The following NDUFB6 variants were observed in gnomAD, a reference collection of about 807,000 sequenced individuals.
The protein encoded by NDUFB6 is NADH:ubiquinone oxidoreductase subunit B6, also known as NADH dehydrogenase [ubiquinone] 1 beta subcomplex subunit 6.
Under a neutral mutation model 17.5 loss-of-function variants are expected in NDUFB6, and 23 were observed. That is an observed-to-expected ratio of 1.31 (90% CI 0.94 to 1.86). The LOEUF is 1.86. Among genes scored for constraint, NDUFB6 ranks in the 40% most tolerant of loss-of-function variants. The pLI, the probability that NDUFB6 is intolerant of heterozygous loss-of-function variation, is 0.00. For synonymous variants in NDUFB6, 60 were observed against 53.5 expected (o/e 1.12, Z -0.53); for missense variants, 167 against 153.8 (o/e 1.09, Z -0.46).
chr9:32,572,369 C>G (rs1821956584), intron 1 of NDUFB6, among the ~76,000 whole-genome samples: 1 of 152,104 alleles, frequency 6.6e-6, no homozygotes, highest in African/African-American at 2.4e-5. Context: ...AGAAAGGTAG[C>G]TCTTGAATGT....
intron 3 of NDUFB6, among the ~76,000 whole-genome samples, chr9:32,558,366 C>T (rs961376710): frequency 6.6e-6 from 1 of 152,208 alleles, no homozygotes; most frequent in Non-Finnish European, 1.5e-5. Context: ...CCATCTTGGC[C>T]TCCCAAAGTG....
intron 2 of NDUFB6, among the ~76,000 whole-genome samples, 156 bp downstream of exon 2, chr9:32,570,804 A>T (rs1821919396): frequency 6.6e-6 from 1 of 152,220 alleles, no homozygotes; most frequent in African/African-American, 2.4e-5. Flanking sequence ...ATACCCAATT[A>T]TGTAACTTTC....
intron 2 of NDUFB6, chr9:32,567,038 A>G (rs750526238): frequency 1.0e-5 from 5 of 499,964 alleles, no homozygotes; most frequent in South Asian, 3.2e-5. Context: ...GCCCTTGCGC[A>G]GCATCTCCCG....
In NDUFB6 at chr9:32,563,504, T is replaced by TTTTTTTTTTTTTG. The variant is rs74178817; in HGVS notation, c.274-4551_274-4550insCAAAAAAAAAAAA. 5.4e-5 allele frequency among the ~76,000 whole-genome samples: 8 copies of TTTTTTTTTTTTTG among 148,870 alleles called. No homozygotes were observed. In the East Asian group the frequency reaches 1.4e-3, roughly 26 times the overall value. ...GGGACTATTGGGCTTTTTTTTTTTTTGGAGGGATGGGGTCTCATTATGTTG... is the reference window on the plus strand; with the variant it reads ...GGGACTATTGGGCTTTTTTTTTTTTTTTTTTTTTTTTTGGGAGGGATGGGGTCTCATTATGTTG... On this transcript the variant is annotated intron_variant, in intron 2 of 3. Coordinates refer to ENST00000379847, the MANE Select transcript of NDUFB6 (RefSeq NM_002493.5).
In NDUFB6 at chr9:32,573,069, T is replaced by A. The variant is rs1821981074; in HGVS notation, c.-9A>T. On this transcript the variant is annotated 5_prime_UTR_variant, in exon 1 of 4. Coordinates refer to ENST00000379847, the MANE Select transcript of NDUFB6 (RefSeq NM_002493.5). ...GGAGTGTACCCCGTCATGTCGCCGC[T>A]GGTACCAACGCAAAAGGACACGGCG... is the stretch of plus-strand genomic sequence containing the variant. 1 of 1,548,896 alleles carries A rather than the reference T, an allele frequency of 6.5e-7. No homozygotes were observed. The highest frequency in any genetic ancestry group is 8.7e-7 in the Non-Finnish European group (1 of 1,146,122).
chr9:32,570,897 A>G, intron 2 of NDUFB6, 63 bp downstream of exon 2: 1 of 1,133,916 alleles, frequency 8.8e-7, no homozygotes, highest in Non-Finnish European at 1.3e-6. Context: ...GTAGGGTAAG[A>G]TAGCCACAAA....
chr9:32,558,930 T>A lies in NDUFB6; in HGVS notation c.298A>T (p.Lys100Ter). Reference protein sequence around the residue: ...VSEKPYGIVEKKSRIFPGDTI... With the variant: ...VSEKPYGIVE ...CTTACAGGGAATATTCTGGACTTCTTTTCAACTATGCCATATGGTTTTTCC... is the reference window on the plus strand; with the variant it reads ...CTTACAGGGAATATTCTGGACTTCTATTCAACTATGCCATATGGTTTTTCC... The change falls in exon 3 of 4, where the codon AAG becomes TAG. Residue 100 changes from lysine to a stop codon, truncating the protein, a stop_gained. Transcript: ENST00000379847. LOFTEE classifies it high-confidence loss of function. 6.3e-7 allele frequency: 1 copy of A among 1,585,264 alleles called. No homozygotes were observed. The highest frequency in any genetic ancestry group is 8.6e-7 in the Non-Finnish European group (1 of 1,156,834).
At chr9:32,567,007 A>AG (rs1397129663) in intron 2 of NDUFB6, 12 of 501,260 alleles carry the variant, frequency 2.4e-5, no homozygotes, top group African/African-American at 2.3e-4. Flanking sequence ...TCCTCGTACG[A>AG]GGGAGCTAGA....
At chr9:32,571,779 G>A (rs568392533) in intron 1 of NDUFB6, among the ~76,000 whole-genome samples, 1 of 152,188 alleles carries the variant, frequency 6.6e-6, no homozygotes, top group South Asian at 2.1e-4. Flanking sequence ...ACTTGCTGAT[G>A]GATGGGATGT....
intron 1 of NDUFB6, 138 bp from the exon 2 acceptor site, chr9:32,571,190 A>AGG: frequency 1.6e-6 from 1 of 615,360 alleles, no homozygotes; most frequent in Admixed American, 3.6e-5. Flanking sequence ...TATAGTCTGT[A>AGG]GGTAACCTCA....
intron 3 of NDUFB6, among the ~76,000 whole-genome samples, chr9:32,557,497 T>G (rs1470298103): frequency 2.0e-5 from 3 of 151,288 alleles, no homozygotes; most frequent in African/African-American, 4.9e-5. Context: ...TCCTTTTTTT[T>G]TGAGATGGAG....
At chr9:32,572,313 G>C (rs963487015) in intron 1 of NDUFB6, among the ~76,000 whole-genome samples, 1 of 152,134 alleles carries the variant, frequency 6.6e-6, no homozygotes, top group African/African-American at 2.4e-5. Context: ...CCCAAAATGC[G>C]ATTTTTTTAA....
chr9:32,572,857 G>A, intron 1 of NDUFB6, 24 bp downstream of exon 1: 1 of 1,535,098 alleles, frequency 6.5e-7, no homozygotes, highest in Non-Finnish European at 8.8e-7. Context: ...GTGTTGGGGG[G>A]GACCGGAGAG....
intron 2 of NDUFB6, among the ~76,000 whole-genome samples, chr9:32,564,715 C>T (rs1821728823): frequency 1.3e-5 from 2 of 152,208 alleles, no homozygotes; most frequent in Admixed American, 1.3e-4. Context: ...CTGACATGAG[C>T]TCCATATTAT....
At chr9:32,572,757 C>A in intron 1 of NDUFB6, 124 bp downstream of exon 1, 1 of 849,864 alleles carries the variant, frequency 1.2e-6, no homozygotes. Context: ...TCGGGACTGG[C>A]CAGTGTCCCA....
At chr9:32,557,225 C>T (rs1217286014) in intron 3 of NDUFB6, among the ~76,000 whole-genome samples, 3 of 148,220 alleles carry the variant, frequency 2.0e-5, no homozygotes, top group South Asian at 2.1e-4. Flanking sequence ...AGTGCAGTGG[C>T]GCAAACTCCG....
intron 2 of NDUFB6, among the ~76,000 whole-genome samples, chr9:32,562,335 C>T (rs990316613): frequency 3.3e-5 from 5 of 152,148 alleles, no homozygotes; most frequent in Non-Finnish European, 7.3e-5. Flanking sequence ...GCTTAATCTG[C>T]TTAGTACACG....
chr9:32,571,695 T>C (rs1021758556), intron 1 of NDUFB6, among the ~76,000 whole-genome samples: 2 of 152,322 alleles, frequency 1.3e-5, no homozygotes, highest in Admixed American at 1.3e-4. Flanking sequence ...ATAACAGATA[T>C]GATTATAAAA....
intron 2 of NDUFB6, among the ~76,000 whole-genome samples, chr9:32,564,512 T>TC (rs142291205): frequency 0.56 from 84,248 of 150,406 alleles, 23,699 homozygotes; most frequent in Middle Eastern, 0.69. Flanking sequence ...ATATTACACT[T>TC]TTTTAAAAAA....
Sources: gnomAD v4.1 joint callset for allele counts (sites outside exome capture counted in the v4.1 genomes callset) on GRCh38, gnomAD v4.1.1 for gene constraint, MANE v1.5 for transcripts, NCBI Gene and HGNC (gene_info 2026-07-23, HGNC 2026-07-21) for gene names.